The following SHLD1 variants were observed in gnomAD, a reference collection of about 807,000 sequenced individuals.
SHLD1 encodes the protein RINN1-REV7-interacting novel NHEJ regulator 3.
In SHLD1, 3 loss-of-function variants were observed where a neutral mutation model predicts 5.5. The ratio of observed to expected loss-of-function variants is 0.54; its 90% CI spans 0.25 to 1.40. The LOEUF is 1.40. SHLD1 is among the 40% of genes most tolerant of loss of function. The pLI is 0.15. For synonymous variants in SHLD1, 92 were observed against 94.3 expected (o/e 0.98, Z 0.14); for missense variants, 210 against 244.4 (o/e 0.86, Z 0.94).
chr20:5,781,774 C>T (rs748905709), intron 2 of SHLD1, among the ~76,000 whole-genome samples: 20 of 152,218 alleles, frequency 1.3e-4, no homozygotes, highest in Non-Finnish European at 2.4e-4. Context: ...CTACCACACC[C>T]GGCCAATCTT....
At chr20:5,764,467 A>G (rs1984710685) in intron 1 of SHLD1, among the ~76,000 whole-genome samples, 1 of 145,722 alleles carries the variant, frequency 6.9e-6, no homozygotes, top group Admixed American at 7.1e-5. Flanking sequence ...GAGTGTGAAG[A>G]TGGCTGGCCT....
rs188710645 is a variant in SHLD1, at chr20:5,795,042, C to A, written c.178+21999C>A. Among the ~76,000 whole-genome samples, 398 of 147,518 alleles carry A rather than the reference C, an allele frequency of 2.7e-3. 4 individuals carry two copies. The highest frequency in any genetic ancestry group is 9.3e-3 in the African/African-American group (370 of 39,988). ...TCATCTGAGGTCAGGAGTTCGGGAC[C>A]AGCCTGGCCAACATGGTGAAACTCT... On this transcript the variant is annotated intron_variant, in intron 2 of 2. Transcript: ENST00000303142.
chr20:5,857,075 G>A (rs918012809), intron 2 of SHLD1, among the ~76,000 whole-genome samples: 7 of 151,992 alleles, frequency 4.6e-5, no homozygotes, highest in South Asian at 2.1e-4. Flanking sequence ...TCTGCCTCCC[G>A]GGTTCAAGTG....
Position 5,763,290 on chromosome 20 carries a change from C to CAAA in SHLD1, c.-4-9552_-4-9550dup, listed in dbSNP as rs57863188. ...GGGCAACAAGAGCAAAACTCCATCTCAAAAAAAAAAAAAAAAAAAAAAGAA... is the reference window on the plus strand; with the variant it reads ...GGGCAACAAGAGCAAAACTCCATCTCAAAAAAAAAAAAAAAAAAAAAAAAAGAA... On this transcript the variant is annotated intron_variant, in intron 1 of 2. Coordinates refer to ENST00000303142, the MANE Select transcript of SHLD1 (RefSeq NM_152504.4). Among the ~76,000 whole-genome samples the CAAA allele has an allele frequency of 4.5e-3, 257 of 57,130 alleles. 1 individual carries two copies. Among genetic ancestry groups the CAAA allele is most frequent in the Non-Finnish European group, 5.3e-3 (152 of 28,906 alleles). The allele number at this position is 57,130 out of a possible 152,430, so 37.5% of individuals were successfully genotyped here.
intron 2 of SHLD1, among the ~76,000 whole-genome samples, chr20:5,824,906 G>A (rs889980379): frequency 1.3e-5 from 2 of 152,114 alleles, no homozygotes; most frequent in Admixed American, 6.6e-5. Context: ...ACGGTCACTC[G>A]AAGCTTCCTT....
chr20:5,803,468 CTG>C (rs1337837590), intron 2 of SHLD1, among the ~76,000 whole-genome samples: 3 of 152,184 alleles, frequency 2.0e-5, no homozygotes, highest in Non-Finnish European at 4.4e-5. Flanking sequence ...CAAGCCCAGT[CTG>C]TAGATCCTTT....
intron 2 of SHLD1, among the ~76,000 whole-genome samples, chr20:5,849,915 C>T (rs911292846): frequency 6.9e-5 from 10 of 144,566 alleles, no homozygotes; most frequent in Admixed American, 1.4e-4. Context: ...GCCGAGATTC[C>T]GCCACTGCAG....
At chr20:5,843,299 T>TTTC (rs1466618492) in intron 2 of SHLD1, among the ~76,000 whole-genome samples, 1 of 148,576 alleles carries the variant, frequency 6.7e-6, no homozygotes, top group East Asian at 1.9e-4. Context: ...TTTTTTCTTT[T>TTTC]TTTTTTTTCC....
intron 1 of SHLD1, among the ~76,000 whole-genome samples, chr20:5,763,006 C>T (rs1349169723): frequency 6.7e-6 from 1 of 149,542 alleles, no homozygotes; most frequent in East Asian, 2.0e-4. Flanking sequence ...ACCTAATTGC[C>T]ACAAAGAAGT....
chr20:5,773,367 G>A, intron 2 of SHLD1: 1 of 542,970 alleles, frequency 1.8e-6, no homozygotes, highest in South Asian at 2.3e-5. Flanking sequence ...ATTTTTTTTT[G>A]TTTTGTTCTT....
chr20:5,847,859 C>A (rs1013469320), intron 2 of SHLD1, among the ~76,000 whole-genome samples: 2 of 152,106 alleles, frequency 1.3e-5, no homozygotes, highest in Non-Finnish European at 2.9e-5. Flanking sequence ...ATGCACATTC[C>A]CTTCGATTCC....
intron 2 of SHLD1, among the ~76,000 whole-genome samples, chr20:5,784,430 T>A (rs929736785): frequency 6.6e-6 from 1 of 151,734 alleles, no homozygotes; most frequent in African/African-American, 2.4e-5. Context: ...AGAATTATTT[T>A]ATTTATTTAT....
At position 5,863,600 on chromosome 20, in the gene SHLD1, C is replaced by A; in HGVS notation, c.*137C>A. 1.2e-6 allele frequency: 1 copy of A among 848,328 alleles called. No individual in the cohort carries two copies. The highest frequency in any genetic ancestry group is 1.8e-6 in the Non-Finnish European group (1 of 559,200). 52.6% of individuals were successfully genotyped at this position (848,328 alleles called of 1,614,324 possible). On this transcript the variant is annotated 3_prime_UTR_variant, in exon 3 of 3. Coordinates refer to ENST00000303142, the MANE Select transcript of SHLD1 (RefSeq NM_152504.4). ...CAATTAAGTGCTTTGAGGTTAAAGGCTGGCACCTGTGACCTGGTATTGGAG... is the reference window on the plus strand; with the variant it reads ...CAATTAAGTGCTTTGAGGTTAAAGGATGGCACCTGTGACCTGGTATTGGAG...
At chr20:5,771,654 G>T (rs1307825655) in intron 1 of SHLD1, among the ~76,000 whole-genome samples, 1 of 150,934 alleles carries the variant, frequency 6.6e-6, no homozygotes, top group Non-Finnish European at 1.5e-5. Context: ...TTGCTCTGTA[G>T]CCCAGGCTGG....
At chr20:5,799,539 C>T (rs1387748328) in intron 2 of SHLD1, among the ~76,000 whole-genome samples, 1 of 148,716 alleles carries the variant, frequency 6.7e-6, no homozygotes, top group East Asian at 2.0e-4. Context: ...TCTCAAAACT[C>T]CTGAGCTCAA....
At position 5,855,978 on chromosome 20, in the gene SHLD1, A is replaced by G. The variant is rs950963119; in HGVS notation, c.179-7046A>G. Among the ~76,000 whole-genome samples, 1 of 152,198 alleles carries G rather than the reference A, an allele frequency of 6.6e-6. No individual in the cohort carries two copies. Among genetic ancestry groups the G allele is most frequent in the Non-Finnish European group, 1.5e-5 (1 of 68,018 alleles). On this transcript the variant is annotated intron_variant, in intron 2 of 2. Coordinates refer to ENST00000303142, the MANE Select transcript of SHLD1 (RefSeq NM_152504.4). This position sits in a 1 kb window ranked among gnomAD's most constrained non-coding sequence, Gnocchi z 4.4. Reference sequence around the variant, plus strand: ...TTTCCTCTGCTATAGTCACTAGGCAATGTTGAGATAGTAGCTGCTCTGTTG... The same window carrying G: ...TTTCCTCTGCTATAGTCACTAGGCAGTGTTGAGATAGTAGCTGCTCTGTTG...
At chr20:5,836,284 C>T (rs2087788309) in intron 2 of SHLD1, among the ~76,000 whole-genome samples, 1 of 152,098 alleles carries the variant, frequency 6.6e-6, no homozygotes, top group Non-Finnish European at 1.5e-5. Flanking sequence ...AACTGTTAGC[C>T]TGCCTGATTA....
chr20:5,772,395 G>A (rs1385794255), intron 1 of SHLD1, among the ~76,000 whole-genome samples: 1 of 152,144 alleles, frequency 6.6e-6, no homozygotes, highest in Non-Finnish European at 1.5e-5. Context: ...CGCTGGACAG[G>A]GGTAATTAAT....
At chr20:5,834,693 G>C (rs917866527) in intron 2 of SHLD1, among the ~76,000 whole-genome samples, 2 of 152,178 alleles carry the variant, frequency 1.3e-5, no homozygotes, top group African/African-American at 4.8e-5. Flanking sequence ...TTTTCACCCT[G>C]TGTCTTAGTC....
Sources: allele counts gnomAD v4.1 joint callset (sites outside exome capture counted in the v4.1 genomes callset), GRCh38; gene constraint gnomAD v4.1.1; non-coding constraint Gnocchi (gnomAD v3.1); transcripts MANE v1.5; gene names NCBI Gene and HGNC (gene_info 2026-07-23, HGNC 2026-07-21).